Variants in PRKCH observed in about 807,000 individuals in gnomAD.
PRKCH encodes protein kinase C eta type.
Under a neutral mutation model 82.5 loss-of-function variants are expected in PRKCH, and 28 were observed. The ratio of observed to expected loss-of-function variants is 0.34; its 90% CI spans 0.25 to 0.47. The LOEUF is 0.47. Ranked by LOEUF, PRKCH falls within the 20% of genes least tolerant of loss-of-function variation. PRKCH has a pLI of 1.00. For missense variants in PRKCH, 705 were observed against 881.8 expected (o/e 0.80, Z 2.54); for synonymous variants, 322 against 327.4 (o/e 0.98, Z 0.18).
chr14:61,339,471 C>T (rs900951250), intron 1 of PRKCH, among the ~76,000 whole-genome samples: 5 of 150,424 alleles, frequency 3.3e-5, no homozygotes, highest in African/African-American at 1.2e-4. Flanking sequence ...CTACAGGCGC[C>T]CACCACCACG....
chr14:61,421,039 G>A (rs535037324), intron 2 of PRKCH, among the ~76,000 whole-genome samples: 5 of 151,722 alleles, frequency 3.3e-5, no homozygotes, highest in African/African-American at 1.2e-4. Flanking sequence ...CCATTGAACT[G>A]AAAACAGAGC....
At chr14:61,453,019 G>A in intron 6 of PRKCH, 1 of 604,682 alleles carries the variant, frequency 1.7e-6, no homozygotes, top group African/African-American at 1.9e-5. Context: ...TCTTTAGTAT[G>A]CTTGCCTTTC....
intron 1 of PRKCH, among the ~76,000 whole-genome samples, chr14:61,362,400 C>A (rs1417854098): frequency 6.7e-6 from 1 of 148,716 alleles, no homozygotes; most frequent in Non-Finnish European, 1.5e-5. Flanking sequence ...CTAGGAAATT[C>A]AAAGGATTAT....
intron 10 of PRKCH, among the ~76,000 whole-genome samples, chr14:61,487,421 T>TC (rs962251467): frequency 3.3e-5 from 5 of 152,158 alleles, no homozygotes; most frequent in African/African-American, 1.2e-4. Context: ...AGCATTTTTT[T>TC]CCCACTCTCC....
intron 10 of PRKCH, among the ~76,000 whole-genome samples, chr14:61,502,656 C>T (rs550338894): frequency 2.9e-4 from 44 of 152,228 alleles, no homozygotes; most frequent in African/African-American, 9.6e-4. Context: ...AGGGAGTTCT[C>T]AAACACCTTT....
intron 12 of PRKCH, 68 bp downstream of exon 12, chr14:61,530,663 T>G: frequency 6.9e-7 from 1 of 1,457,650 alleles, no homozygotes; most frequent in East Asian, 2.3e-5. Context: ...GCTGCTTGAG[T>G]CTTTTCAGTA....
chr14:61,288,309 G>A (rs2045332789), intron 1 of PRKCH, among the ~76,000 whole-genome samples: 1 of 152,064 alleles, frequency 6.6e-6, no homozygotes, highest in South Asian at 2.1e-4. Context: ...TGCCCAGGCT[G>A]GTCTTGAACT....
chr14:61,490,461 A>G (rs1020141815), intron 10 of PRKCH, among the ~76,000 whole-genome samples: 1 of 152,230 alleles, frequency 6.6e-6, no homozygotes, highest in African/African-American at 2.4e-5. Context: ...CCGATCACCA[A>G]CATCATCTAG....
chr14:61,349,302 C>T (rs1460493710), intron 1 of PRKCH, among the ~76,000 whole-genome samples: 1 of 152,180 alleles, frequency 6.6e-6, no homozygotes, highest in East Asian at 1.9e-4. Flanking sequence ...TATTGAGTAC[C>T]TACTATGTAC....
intron 1 of PRKCH, among the ~76,000 whole-genome samples, chr14:61,217,931 C>T (rs2044626740): frequency 6.6e-6 from 1 of 152,110 alleles, no homozygotes; most frequent in Non-Finnish European, 1.5e-5. Context: ...AAATACAGGG[C>T]CTGTCTTGGA....
At chr14:61,370,539 A>T (rs1166962452) in intron 1 of PRKCH, among the ~76,000 whole-genome samples, 1 of 152,114 alleles carries the variant, frequency 6.6e-6, no homozygotes, top group African/African-American at 2.4e-5. Context: ...AACCTGCTCC[A>T]AATCTTTGTA....
chr14:61,379,237 A>G (rs550176200), intron 1 of PRKCH, among the ~76,000 whole-genome samples: 2 of 152,010 alleles, frequency 1.3e-5, no homozygotes, highest in East Asian at 3.9e-4. Context: ...TTGGAAAACC[A>G]TCACCTGAAT....
intron 1 of PRKCH, among the ~76,000 whole-genome samples, chr14:61,195,682 G>T (rs1391877263): frequency 1.3e-5 from 2 of 152,228 alleles, no homozygotes; most frequent in African/African-American, 4.8e-5. Context: ...AGGAGTAGGA[G>T]TTGTTGAAGA....
intron 1 of PRKCH, among the ~76,000 whole-genome samples, chr14:61,381,925 C>T (rs991325082): frequency 1.3e-5 from 2 of 152,196 alleles, no homozygotes; most frequent in African/African-American, 2.4e-5. Flanking sequence ...GCGGCACCAG[C>T]GTGGCATCTT....
chr14:61,486,653 T>C (rs1212500306), intron 10 of PRKCH, among the ~76,000 whole-genome samples: 2 of 151,796 alleles, frequency 1.3e-5, no homozygotes, highest in East Asian at 3.9e-4. Flanking sequence ...TTTTTCTTTT[T>C]TATTGTTTTA....
At chr14:61,402,567 C>T (rs563995155) in intron 2 of PRKCH, among the ~76,000 whole-genome samples, 83 of 152,074 alleles carry the variant, frequency 5.5e-4, no homozygotes, top group African/African-American at 1.8e-3. Flanking sequence ...GAGGCCGAGG[C>T]GGGCAGATCA....
intron 2 of PRKCH, among the ~76,000 whole-genome samples, chr14:61,413,403 G>GCC (rs1319235981): frequency 4.4e-3 from 181 of 40,906 alleles, no homozygotes; most frequent in African/African-American, 7.0e-3. Flanking sequence ...CTTTTTAAGC[G>GCC]CCCCCCCCCC....
At chr14:61,477,849 T>C (rs17098453) in intron 9 of PRKCH, among the ~76,000 whole-genome samples, 81,132 of 152,178 alleles carry the variant, frequency 0.53, 26,361 homozygotes, top group Non-Finnish European at 0.72. Context: ...TTCGACCCTC[T>C]ATACCCTTGT....
chr14:61,217,319 GGAGGTTGAGGCTGCAGTGA>G (rs890263893), intron 1 of PRKCH, among the ~76,000 whole-genome samples: 5 of 152,270 alleles, frequency 3.3e-5, no homozygotes, highest in East Asian at 1.9e-4. Flanking sequence ...GTTGGGCCCG[GGAGGTTGAGGCTGCAGTGA>G]GAGGTTGAGG....
Sources: allele counts gnomAD v4.1 joint callset (sites outside exome capture counted in the v4.1 genomes callset), GRCh38; gene constraint gnomAD v4.1.1; transcripts MANE v1.5; gene names NCBI Gene and HGNC (gene_info 2026-07-23, HGNC 2026-07-21).